The following SLIT2 variants were observed in gnomAD, a reference collection of about 807,000 sequenced individuals.
SLIT2 encodes slit guidance ligand 2, also known as slit homolog 2 protein.
A neutral mutation model predicts 185.7 loss-of-function variants in SLIT2; 41 were observed. That is an observed-to-expected ratio of 0.22 (90% confidence interval 0.17 to 0.29). SLIT2 has a LOEUF of 0.29. Among genes scored for constraint, SLIT2 ranks in the 10% least tolerant of loss-of-function variants. The probability of loss-of-function intolerance (pLI) is 1.00; values close to 1 mark genes in which losing one functional copy is unlikely to be tolerated. For synonymous variants in SLIT2, 693 were observed against 680.2 expected, an observed-to-expected ratio of 1.02 and a Z score of -0.29; for missense variants, 1,571 against 1,909.0, an observed-to-expected ratio of 0.82 and a Z score of 3.30.
At chr4:20,285,293 C>A (rs1001592180) in intron 4 of SLIT2, among the ~76,000 whole-genome samples, 1 of 152,154 alleles carries the variant, frequency 6.6e-6, no homozygotes, top group Non-Finnish European at 1.5e-5. Flanking sequence ...GATTAACAAC[C>A]CTTTGCTGAG....
chr4:20,529,308 A>G (rs945068049), intron 16 of SLIT2, among the ~76,000 whole-genome samples: 14 of 152,180 alleles, frequency 9.2e-5, no homozygotes, highest in African/African-American at 3.4e-4. Context: ...TAAGTACAGA[A>G]ACTAATTTAT....
chr4:20,312,082 C>G (rs1204067445), intron 4 of SLIT2, among the ~76,000 whole-genome samples: 2 of 152,138 alleles, frequency 1.3e-5, no homozygotes, highest in Non-Finnish European at 2.9e-5. Flanking sequence ...TAGTTTATGT[C>G]TGCAACCTGA....
intron 33 of SLIT2, among the ~76,000 whole-genome samples, chr4:20,608,843 A>G (rs1292417652): frequency 3.3e-5 from 5 of 152,180 alleles, no homozygotes; most frequent in Non-Finnish European, 7.4e-5. Context: ...TATACAGAGT[A>G]TTAAGTATTC....
At chr4:20,584,271 A>G (rs1173259977) in intron 29 of SLIT2, among the ~76,000 whole-genome samples, 1 of 152,234 alleles carries the variant, frequency 6.6e-6, no homozygotes, top group Non-Finnish European at 1.5e-5. Context: ...GTAGAAGGCC[A>G]TCCTAGACAA....
At chr4:20,519,300 T>C in intron 11 of SLIT2, 82 bp from the exon 12 acceptor site, 2 of 731,702 alleles carry the variant, frequency 2.7e-6, no homozygotes, top group Non-Finnish European at 4.8e-6. Flanking sequence ...TAGCTTCCTG[T>C]ATGCCTGAGT....
intron 32 of SLIT2, among the ~76,000 whole-genome samples, chr4:20,597,203 C>T (rs531973105): frequency 5.5e-4 from 84 of 151,810 alleles, no homozygotes; most frequent in Non-Finnish European, 1.0e-3. Flanking sequence ...GTAGCTGGGA[C>T]GACAAGCATG....
rs1303955577 is a variant in SLIT2, at chr4:20,253,892, A to G, written c.77A>G (p.Gln26Arg). ...GCGATCCTGAACAAGGTGGCACCGC[A>G]GGCGTGCCCGGCGCAGTGCTCTTGC... is the stretch of plus-strand genomic sequence containing the variant. ...VLAILNKVAP[Q>R]ACPAQCSCSG... Residue 26 changes from glutamine to arginine, a missense_variant, in exon 1 of 37, where the codon CAG becomes CGG. Physicochemically the swap from Gln to Arg is conservative, Grantham distance 43. Transcript: ENST00000504154. The G allele has an allele frequency of 1.4e-5, 22 of 1,601,402 alleles. No homozygotes were observed. The highest frequency in any genetic ancestry group is 1.9e-5 in the Non-Finnish European group (22 of 1,179,886).
intron 26 of SLIT2, among the ~76,000 whole-genome samples, chr4:20,560,404 A>G (rs1194215782): frequency 2.6e-5 from 4 of 151,996 alleles, no homozygotes; most frequent in Non-Finnish European, 5.9e-5. Flanking sequence ...ACAGAAATAA[A>G]TGAACAGGAA....
chr4:20,256,832 G>A, intron 2 of SLIT2, 89 bp downstream of exon 2: 3 of 615,678 alleles, frequency 4.9e-6, no homozygotes, highest in Non-Finnish European at 8.6e-6. Flanking sequence ...CTATTCTGAT[G>A]ACAGTAACAT....
chr4:20,554,976 G>A (rs1724119001), intron 26 of SLIT2, among the ~76,000 whole-genome samples: 1 of 152,170 alleles, frequency 6.6e-6, no homozygotes. Context: ...CACCATGTTG[G>A]CCAGGCTGGT....
chr4:20,303,114 G>A (rs779934110), intron 4 of SLIT2, among the ~76,000 whole-genome samples: 1 of 152,130 alleles, frequency 6.6e-6, no homozygotes, highest in Non-Finnish European at 1.5e-5. Context: ...AGTTCAAGTA[G>A]TGTTACATGG....
At chr4:20,297,858 A>G (rs1033989838) in intron 4 of SLIT2, among the ~76,000 whole-genome samples, 2 of 152,180 alleles carry the variant, frequency 1.3e-5, no homozygotes, top group Non-Finnish European at 2.9e-5. Context: ...TGTATCTCAT[A>G]AAAGTTTTAA....
intron 27 of SLIT2, 45 bp downstream of exon 27, chr4:20,567,431 T>G (rs1725186082): frequency 6.2e-7 from 1 of 1,612,464 alleles, no homozygotes; most frequent in Non-Finnish European, 8.5e-7. Context: ...AGCATAACTT[T>G]TCTTGGTGTG....
At chr4:20,602,897 C>T (rs1479984187) in intron 33 of SLIT2, among the ~76,000 whole-genome samples, 1 of 151,914 alleles carries the variant, frequency 6.6e-6, no homozygotes, top group Non-Finnish European at 1.5e-5. Flanking sequence ...TTGCCAGCAA[C>T]CTACTGCCTA....
chr4:20,612,144 G>C (rs1260739042), intron 34 of SLIT2, among the ~76,000 whole-genome samples: 2 of 151,280 alleles, frequency 1.3e-5, no homozygotes, highest in Admixed American at 6.6e-5. Context: ...TTGGGAGGCT[G>C]AGGAGGGAGG....
chr4:20,286,380 A>G (rs1715266681), intron 4 of SLIT2, among the ~76,000 whole-genome samples: 1 of 151,862 alleles, frequency 6.6e-6, no homozygotes, highest in African/African-American at 2.4e-5. Context: ...TGTCAGTTCT[A>G]CCTCCACAGT....
At chr4:20,361,252 T>C (rs1313393184) in intron 4 of SLIT2, among the ~76,000 whole-genome samples, 3 of 124,820 alleles carry the variant, frequency 2.4e-5, no homozygotes, top group African/African-American at 8.9e-5. Flanking sequence ...AGTCATTTCA[T>C]ATATTAGGTT....
chr4:20,572,367 G>A (rs1337213035), intron 29 of SLIT2, among the ~76,000 whole-genome samples: 1 of 152,134 alleles, frequency 6.6e-6, no homozygotes, highest in Non-Finnish European at 1.5e-5. Context: ...TATTAAGAAA[G>A]TAGGACTTCA....
chr4:20,309,446 C>T (rs746607066), intron 4 of SLIT2, among the ~76,000 whole-genome samples: 1 of 151,366 alleles, frequency 6.6e-6, no homozygotes, highest in Non-Finnish European at 1.5e-5. Context: ...CAATTATTTT[C>T]ATTTCTCTTA....
Sources: allele counts gnomAD v4.1 joint callset (sites outside exome capture counted in the v4.1 genomes callset), GRCh38; gene constraint gnomAD v4.1.1; transcripts MANE v1.5; gene names NCBI Gene and HGNC (gene_info 2026-07-23, HGNC 2026-07-21).